Variants in CMIP observed in about 807,000 individuals in gnomAD.
CMIP encodes the protein c-Maf inducing protein.
Under a neutral mutation model 97.3 loss-of-function variants are expected in CMIP, and 13 were observed. The observed-to-expected ratio is 0.13, with a 90% CI of 0.09 to 0.21. The LOEUF is 0.21. Among genes scored for constraint, CMIP ranks in the 10% least tolerant of loss-of-function variants. The probability of loss-of-function intolerance (pLI) is 1.00; values close to 1 mark genes in which losing one functional copy is unlikely to be tolerated. For synonymous variants in CMIP, 538 were observed against 436.3 expected (o/e 1.23, Z -2.91); for missense variants, 847 against 1,024.9 (o/e 0.83, Z 2.37).
chr16:81,573,170 C>T (rs2091126580), intron 1 of CMIP, among the ~76,000 whole-genome samples: 1 of 152,088 alleles, frequency 6.6e-6, no homozygotes, highest in African/African-American at 2.4e-5. Context: ...ACGGTGAAAC[C>T]CCGTCTCTAC....
chr16:81,652,836 A>T lies in CMIP; in HGVS notation c.639+472A>T, dbSNP rs2092443386. On this transcript the variant is annotated intron_variant, in intron 4 of 20. Coordinates refer to ENST00000537098, the MANE Select transcript of CMIP (RefSeq NM_198390.3). This position sits in a 1 kb window ranked among gnomAD's most constrained non-coding sequence, Gnocchi z 5.2. ...ATCAGAAAATCCAGCCGCGGTTTGCAGCTGGTGCTACCTGATGCCACCCGT... is the reference window on the plus strand; with the variant it reads ...ATCAGAAAATCCAGCCGCGGTTTGCTGCTGGTGCTACCTGATGCCACCCGT... Among the ~76,000 whole-genome samples the T allele has an allele frequency of 6.6e-6, 1 of 152,190 alleles. No individual in the cohort carries two copies. The highest frequency in any genetic ancestry group is 2.4e-5 in the African/African-American group (1 of 41,440).
intron 1 of CMIP, among the ~76,000 whole-genome samples, chr16:81,462,915 T>C (rs1906979027): frequency 6.6e-6 from 1 of 152,160 alleles, no homozygotes; most frequent in African/African-American, 2.4e-5. Flanking sequence ...CCACAAACCC[T>C]TGATGACCAA....
intron 4 of CMIP, among the ~76,000 whole-genome samples, chr16:81,653,283 G>A (rs1450351000): frequency 1.3e-5 from 2 of 152,138 alleles, no homozygotes; most frequent in Non-Finnish European, 2.9e-5. Flanking sequence ...TCCCATGCAA[G>A]TGCCTGGCTG....
Position 81,678,635 on chromosome 16 carries a change from G to GCCCC in CMIP, c.1388+12_1388+15dup. 2.2e-6 allele frequency: 3 copies of GCCCC among 1,369,302 alleles called. No individual in the cohort carries two copies. The highest frequency in any genetic ancestry group is 3.1e-6 in the Non-Finnish European group (3 of 977,544). The allele number at this position is 1,369,302 out of a possible 1,614,324, so 84.8% of individuals were successfully genotyped here. A position where few individuals can be genotyped will look rare whatever the true frequency, so the allele number is the denominator to read the frequency against. ...TGGAAATCCTCAAGCTGCTGTGAGT[G>GCCCC]CCCCCCCCGCGTGCCCGCCCCCGGG... On this transcript the variant is annotated splice_region_variant and intron_variant, in intron 10 of 20. Coordinates refer to ENST00000537098, the MANE Select transcript of CMIP (RefSeq NM_198390.3).
At position 81,616,423 on chromosome 16, in the gene CMIP, C is replaced by T. The variant is rs544843905; in HGVS notation, c.427-4453C>T. On this transcript the variant is annotated intron_variant, in intron 2 of 20. Transcript: ENST00000537098. The surrounding 1 kb of genome is among the most constrained non-coding windows in gnomAD (Gnocchi z 4.7). ...CTGCTCCGAGCCTCAGCTTCCTCATCTGTAAGATGGGTGCGTTGAGGAGGA... is the reference window on the plus strand; with the variant it reads ...CTGCTCCGAGCCTCAGCTTCCTCATTTGTAAGATGGGTGCGTTGAGGAGGA... 1.5e-4 allele frequency among the ~76,000 whole-genome samples: 23 copies of T among 152,188 alleles called. No homozygotes were observed. Among genetic ancestry groups the T allele is most frequent in the Non-Finnish European group, 2.9e-4 (20 of 68,028 alleles).
chr16:81,625,553 G>T (rs77756135), intron 3 of CMIP, among the ~76,000 whole-genome samples: 3,716 of 152,362 alleles, frequency 0.024, 129 homozygotes, highest in African/African-American at 0.076. Context: ...CCAAGAGCGT[G>T]TTCAGGCTGT....
At chr16:81,554,995 C>G (rs1345840756) in intron 1 of CMIP, among the ~76,000 whole-genome samples, 2 of 152,162 alleles carry the variant, frequency 1.3e-5, no homozygotes, top group Non-Finnish European at 2.9e-5. Flanking sequence ...CCTGGTAAGT[C>G]TGCCTCGACA....
intron 20 of CMIP, 85 bp downstream of exon 20, chr16:81,707,169 G>A (rs1161264812): frequency 1.0e-5 from 11 of 1,094,576 alleles, no homozygotes; most frequent in African/African-American, 7.7e-5. Context: ...CACAGAGCTC[G>A]TTCTCCAGTA....
intron 14 of CMIP, chr16:81,697,991 G>GCCCCCCCCCC (rs747163023): frequency 1.3e-4 from 18 of 138,032 alleles, no homozygotes; most frequent in African/African-American, 2.2e-4. Flanking sequence ...GCTCAGCTGC[G>GCCCCCCCCCC]CCCCCCCGCC....
intron 1 of CMIP, among the ~76,000 whole-genome samples, chr16:81,454,656 G>A (rs901413716): frequency 6.6e-6 from 1 of 152,238 alleles, no homozygotes; most frequent in African/African-American, 2.4e-5. Context: ...AGTGCTCTCA[G>A]GCATGGCACT....
intron 1 of CMIP, among the ~76,000 whole-genome samples, chr16:81,500,443 C>G (rs1413230557): frequency 8.1e-6 from 1 of 122,860 alleles, no homozygotes; most frequent in Admixed American, 8.2e-5. Flanking sequence ...CTCTCTCTCT[C>G]CCTTCCTCCC....
intron 1 of CMIP, among the ~76,000 whole-genome samples, chr16:81,593,518 C>A (rs954324590): frequency 1.3e-5 from 2 of 152,200 alleles, no homozygotes; most frequent in Non-Finnish European, 2.9e-5. Flanking sequence ...TGCACCAGGC[C>A]GACTCCAAGC....
Position 81,616,452 on chromosome 16 carries a change from G to A in CMIP, c.427-4424G>A, listed in dbSNP as rs1025287972. ...AAGATGGGTGCGTTGAGGAGGAGAG[G>A]AGGTGTGTGTGAGCATTTCTCGTGG... On this transcript the variant is annotated intron_variant, in intron 2 of 20. Transcript: ENST00000537098. The surrounding 1 kb of genome is among the most constrained non-coding windows in gnomAD (Gnocchi z 4.7). Among the ~76,000 whole-genome samples, 6 of 152,234 alleles carry A rather than the reference G, an allele frequency of 3.9e-5. No homozygotes were observed. The highest frequency in any genetic ancestry group is 1.4e-4 in the African/African-American group (6 of 41,462).
intron 1 of CMIP, among the ~76,000 whole-genome samples, chr16:81,513,060 G>T (rs2089844027): frequency 6.6e-6 from 1 of 152,218 alleles, no homozygotes; most frequent in Admixed American, 6.5e-5. Flanking sequence ...TCAATTCCTT[G>T]CAGTTACTAT....
chr16:81,674,650 A>G (rs1054564133), intron 9 of CMIP, among the ~76,000 whole-genome samples: 2 of 152,124 alleles, frequency 1.3e-5, no homozygotes, highest in African/African-American at 4.8e-5. Flanking sequence ...CAGTGGCACA[A>G]TCTTGGCTCA....
At chr16:81,501,473 T>C (rs2089610912) in intron 1 of CMIP, among the ~76,000 whole-genome samples, 2 of 152,050 alleles carry the variant, frequency 1.3e-5, no homozygotes, top group Admixed American at 1.3e-4. Context: ...CGCTATTAAA[T>C]AGCGTCATCT....
chr16:81,478,399 G>A (rs965921109), intron 1 of CMIP, among the ~76,000 whole-genome samples: 2 of 152,198 alleles, frequency 1.3e-5, no homozygotes, highest in Admixed American at 6.5e-5. Context: ...TTGGCGTCCT[G>A]TATGGAGAGG....
At chr16:81,615,450 GTGTGTGTGTGGTGTATGTGTATT>G (rs2091902449) in intron 2 of CMIP, among the ~76,000 whole-genome samples, 1 of 145,102 alleles carries the variant, frequency 6.9e-6, no homozygotes, top group African/African-American at 2.6e-5. Flanking sequence ...TAACTGTATG[GTGTGTGTGTGGTGTATGTGTATT>G]TGTGTGTGTG....
intron 3 of CMIP, among the ~76,000 whole-genome samples, chr16:81,636,801 TC>T (rs368339374): frequency 6.6e-6 from 1 of 152,090 alleles, no homozygotes; most frequent in Non-Finnish European, 1.5e-5. Context: ...CCGAGCCACT[TC>T]CGTCTCCAAA....
Sources: allele counts gnomAD v4.1 joint callset (sites outside exome capture counted in the v4.1 genomes callset), GRCh38; gene constraint gnomAD v4.1.1; non-coding constraint Gnocchi (gnomAD v3.1); transcripts MANE v1.5; gene names NCBI Gene and HGNC (gene_info 2026-07-23, HGNC 2026-07-21).